Variants in PIEZO2 observed in about 807,000 individuals in gnomAD.
The protein encoded by PIEZO2 is piezo-type mechanosensitive ion channel component 2.
In PIEZO2, 172 loss-of-function variants were observed where a neutral mutation model predicts 337.3. That is an observed-to-expected ratio of 0.51 (90% confidence interval 0.45 to 0.58). The LOEUF is 0.58. PIEZO2 is among the 20% of genes least tolerant of loss of function. PIEZO2 has a pLI of 0.00. For missense variants in PIEZO2, 3,028 were observed against 3,391.3 expected, an observed-to-expected ratio of 0.89 and a Z score of 2.66; for synonymous variants, 1,251 against 1,228.5, an observed-to-expected ratio of 1.02 and a Z score of -0.38.
rs1802558501 is a variant in PIEZO2 at position 11,070,945 on chromosome 18, C to A, written c.65-4723G>T. The stretch of plus-strand genomic sequence containing the variant: ...AGAAGCACTAATCCCAGAATGCGGA[C>A]AACAGGAGCATAGCACACTCCAGCC... On this transcript the variant is annotated intron_variant, in intron 1 of 55. Transcript: ENST00000674853. This position sits in a 1 kb window ranked among gnomAD's most constrained non-coding sequence, Gnocchi z 4.3. 6.6e-6 allele frequency among the ~76,000 whole-genome samples: 1 copy of A among 152,074 alleles called. No homozygotes were observed.
chr18:11,057,941 A>T (rs555638342), intron 2 of PIEZO2, among the ~76,000 whole-genome samples: 10 of 152,358 alleles, frequency 6.6e-5, no homozygotes, highest in Admixed American at 1.3e-4. Flanking sequence ...CAGCTTAAAC[A>T]TAGGCATGGG....
At chr18:10,898,698 G>A (rs1037384195) in intron 4 of PIEZO2, among the ~76,000 whole-genome samples, 3 of 152,154 alleles carry the variant, frequency 2.0e-5, no homozygotes, top group Non-Finnish European at 4.4e-5. Flanking sequence ...ATCAGGGGAA[G>A]GGCCATTACC....
rs765849127 is a variant in PIEZO2, at chr18:10,857,106, T to C, written c.598A>G (p.Met200Val). 9.8e-6 allele frequency: 15 copies of C among 1,537,722 alleles called. No homozygotes were observed. In the Admixed American group the frequency reaches 9.8e-5, roughly 10 times the overall value. ...GCCACAGAGGCAAGCCTGCGGAACA[T>C]TTTTAACTTCGTGCTTTCTTCCAAC... The part of the protein sequence containing the change: ...GELEESTKLK[M>V]FRRLASVASK... The change falls in exon 6 of 56, where the codon ATG becomes GTG. Residue 200 changes from methionine to valine, a missense_variant. Met to Val is a conservative substitution (Grantham distance 21). Around this residue, in one of 5 missense-constraint regions of PIEZO2, gnomAD observed 542 missense variants for 605.6 expected, o/e 0.89. Coordinates refer to ENST00000674853, the MANE Select transcript of PIEZO2 (RefSeq NM_001378183.1).
chr18:10,763,116 G>C lies in PIEZO2; in HGVS notation c.2947-18C>G. On this transcript the variant is annotated intron_variant, in intron 21 of 55. Transcript: ENST00000674853. The stretch of plus-strand genomic sequence containing the variant: ...AGAGACACCTGAAAACGTAAAACCA[G>C]AAATGGGGACAAAAATACGTAACAC... 6.5e-7 allele frequency: 1 copy of C among 1,534,382 alleles called. No homozygotes were observed. The highest frequency in any genetic ancestry group is 2.4e-5 in the East Asian group (1 of 40,860).
intron 2 of PIEZO2, among the ~76,000 whole-genome samples, chr18:11,026,342 C>G (rs2036540100): frequency 6.6e-6 from 1 of 152,158 alleles, no homozygotes; most frequent in South Asian, 2.1e-4. Flanking sequence ...CTGCTGGCCT[C>G]TCTGCCTCGC....
chr18:10,793,863 T>C (rs1192588837), intron 13 of PIEZO2, among the ~76,000 whole-genome samples: 1 of 152,138 alleles, frequency 6.6e-6, no homozygotes, highest in Non-Finnish European at 1.5e-5. Context: ...GGATTGTGTT[T>C]CATTTACCCC....
chr18:10,885,246 A>G (rs1392909768), intron 4 of PIEZO2, among the ~76,000 whole-genome samples: 1 of 152,058 alleles, frequency 6.6e-6, no homozygotes, highest in East Asian at 1.9e-4. Flanking sequence ...AACATGGTGA[A>G]ACCCTGTCTC....
At chr18:10,782,616 C>T (rs2039069229) in intron 17 of PIEZO2, among the ~76,000 whole-genome samples, 1 of 149,142 alleles carries the variant, frequency 6.7e-6, no homozygotes, top group African/African-American at 2.5e-5. Flanking sequence ...ACTCTTTCCT[C>T]ACCCTTTACA....
intron 3 of PIEZO2, among the ~76,000 whole-genome samples, chr18:10,976,999 A>ATCTGTGTG (rs1491283264): frequency 2.0e-5 from 1 of 50,250 alleles, no homozygotes; most frequent in South Asian, 8.4e-4. Flanking sequence ...GCAAGAACAA[A>ATCTGTGTG]TATGTGTGTG....
chr18:11,090,275 A>AAG (rs918913555), intron 1 of PIEZO2, among the ~76,000 whole-genome samples: 48 of 151,996 alleles, frequency 3.2e-4, no homozygotes, highest in Non-Finnish European at 2.9e-4. Context: ...AAAGAAATAA[A>AAG]AGAGAGAGAG....
In PIEZO2 at chr18:11,135,462, C is replaced by T. The variant is rs2040454366; in HGVS notation, c.64+13063G>A. Among the ~76,000 whole-genome samples the T allele has an allele frequency of 2.0e-5, 3 of 152,284 alleles. No individual in the cohort carries two copies. In the South Asian group the frequency reaches 6.2e-4, roughly 32 times the overall value. ...TCACCAGTGGGCTATTAAATCCACA[C>T]TTCAAATATGCTCTTTTAAAGAAAA... On this transcript the variant is annotated intron_variant, in intron 1 of 55. Transcript: ENST00000674853.
In PIEZO2 at chr18:10,747,185, T is replaced by A. The variant is rs187280197; in HGVS notation, c.4424+1286A>T. Among the ~76,000 whole-genome samples, 257 of 152,296 alleles carry A rather than the reference T, an allele frequency of 1.7e-3. 1 individual carries two copies. The highest frequency in any genetic ancestry group is 5.9e-3 in the African/African-American group (245 of 41,560). Reference sequence around the variant, plus strand: ...TAACATGATGGGCATGATTTCTAAATCATTGTGACAACTTTGGGAAAAAGA... The same window carrying A: ...TAACATGATGGGCATGATTTCTAAAACATTGTGACAACTTTGGGAAAAAGA... On this transcript the variant is annotated intron_variant, in intron 30 of 55. Transcript: ENST00000674853.
intron 1 of PIEZO2, among the ~76,000 whole-genome samples, chr18:11,137,817 G>A (rs1264328252): frequency 4.6e-5 from 7 of 152,192 alleles, no homozygotes; most frequent in Non-Finnish European, 1.0e-4. Flanking sequence ...CCAAACTGCT[G>A]CCCTAGAGGG....
chr18:10,712,143 T>C (rs2035845996), intron 39 of PIEZO2, among the ~76,000 whole-genome samples: 2 of 152,196 alleles, frequency 1.3e-5, no homozygotes, highest in Admixed American at 1.3e-4. Flanking sequence ...TTCCCCAATA[T>C]CCCTTCGTTC....
intron 49 of PIEZO2, among the ~76,000 whole-genome samples, chr18:10,685,039 T>C (rs1023801055): frequency 7.9e-5 from 12 of 152,094 alleles, no homozygotes; most frequent in African/African-American, 2.9e-4. Flanking sequence ...TTCTGGAAAG[T>C]GGTGCATGGA....
intron 43 of PIEZO2, 78 bp downstream of exon 43, chr18:10,701,911 G>A: frequency 1.5e-6 from 2 of 1,290,834 alleles, no homozygotes; most frequent in South Asian, 3.5e-5. Context: ...CTGATGTCCA[G>A]GTTATCTAGG....
intron 3 of PIEZO2, among the ~76,000 whole-genome samples, chr18:10,932,880 TAC>T (rs1162127552): frequency 6.6e-6 from 1 of 151,338 alleles, no homozygotes; most frequent in Non-Finnish European, 1.5e-5. Context: ...GCTAAGATTG[TAC>T]CACTGCATTC....
At chr18:10,986,316 CATAGAGGTAACA>C (rs1461235250) in intron 2 of PIEZO2, among the ~76,000 whole-genome samples, 1 of 151,908 alleles carries the variant, frequency 6.6e-6, no homozygotes, top group Non-Finnish European at 1.5e-5. Context: ...CCCTGATGAA[CATAGAGGTAACA>C]GTCCTCAACA....
At position 10,757,440 on chromosome 18, in the gene PIEZO2, G is replaced by A. The variant is rs535493002; in HGVS notation, c.3923+529C>T. On this transcript the variant is annotated intron_variant, in intron 27 of 55. Coordinates refer to ENST00000674853, the MANE Select transcript of PIEZO2 (RefSeq NM_001378183.1). ...GAGGAAGAAGGCTGGAGGGTGAGGA[G>A]GAAGGGTGGGGATAAGAATGAGCTA... is the stretch of plus-strand genomic sequence containing the variant. 4.7e-4 allele frequency among the ~76,000 whole-genome samples: 64 copies of A among 137,532 alleles called. 2 individuals are homozygous for A. The East Asian group carries it at 0.013, about 29-fold the overall frequency. The allele number at this position is 137,532 out of a possible 152,430, so 90.2% of individuals were successfully genotyped here.
Sources: allele counts gnomAD v4.1 joint callset (sites outside exome capture counted in the v4.1 genomes callset), GRCh38; gene constraint gnomAD v4.1.1; regional missense constraint gnomAD v4.1.1; non-coding constraint Gnocchi (gnomAD v3.1); transcripts MANE v1.5; gene names NCBI Gene and HGNC (gene_info 2026-07-23, HGNC 2026-07-21).